Variants in EYS observed in about 807,000 individuals in gnomAD.
The protein encoded by EYS is EGF-like photoreceptor maintenance factor.
EYS carries 250 observed loss-of-function variants against 282.1 expected under a neutral mutation model. The observed-to-expected ratio is 0.89, with a 90% CI of 0.80 to 0.98. EYS has a LOEUF of 0.98. EYS is among the 50% of genes least tolerant of loss of function. EYS has a pLI of 0.00. For synonymous variants in EYS, 1,355 were observed against 1,282.9 expected (o/e 1.06, Z -1.20); for missense variants, 4,016 against 3,709.0 (o/e 1.08, Z -2.15).
intron 13 of EYS, among the ~76,000 whole-genome samples, chr6:65,028,103 T>C (rs1335168923): frequency 1.3e-5 from 2 of 152,126 alleles, no homozygotes; most frequent in Non-Finnish European, 2.9e-5. Flanking sequence ...TTCATTTTTA[T>C]CTTACTAAGA....
At chr6:64,434,226 C>T (rs1328665992) in intron 28 of EYS, among the ~76,000 whole-genome samples, 1 of 149,376 alleles carries the variant, frequency 6.7e-6, no homozygotes, top group East Asian at 1.9e-4. Context: ...AGAAATCAAA[C>T]CTGTTGTCAT....
chr6:65,325,649 A>G (rs900754710), intron 11 of EYS, among the ~76,000 whole-genome samples: 5 of 151,970 alleles, frequency 3.3e-5, no homozygotes, highest in African/African-American at 1.2e-4. Flanking sequence ...TGAGGAGGAG[A>G]AGGGGTCTAA....
At chr6:65,590,901 A>G (rs1405827019) in intron 2 of EYS, among the ~76,000 whole-genome samples, 1 of 151,510 alleles carries the variant, frequency 6.6e-6, no homozygotes, top group Non-Finnish European at 1.5e-5. Flanking sequence ...CTTAGATTCC[A>G]TAACTTGGCT....
chr6:63,726,493 GCAAA>G (rs1014108793), intron 42 of EYS, 22 bp downstream of exon 42: 8 of 1,537,656 alleles, frequency 5.2e-6, no homozygotes, highest in Middle Eastern at 1.7e-4. Flanking sequence ...AATTCATTCT[GCAAA>G]CAAACAGCCT....
intron 7 of EYS, among the ~76,000 whole-genome samples, chr6:65,401,977 A>G (rs1011062348): frequency 6.6e-6 from 1 of 151,970 alleles, no homozygotes; most frequent in Admixed American, 6.6e-5. Flanking sequence ...CACTTCTGCC[A>G]TTTATAAATG....
intron 31 of EYS, among the ~76,000 whole-genome samples, chr6:64,218,912 A>C (rs1476946539): frequency 6.6e-6 from 1 of 152,180 alleles, no homozygotes; most frequent in Non-Finnish European, 1.5e-5. Flanking sequence ...ATCTAGAAAT[A>C]ACCTTGTCTA....
At chr6:64,483,441 G>A (rs982132692) in intron 26 of EYS, among the ~76,000 whole-genome samples, 1 of 151,662 alleles carries the variant, frequency 6.6e-6, no homozygotes, top group African/African-American at 2.4e-5. Context: ...TCATGTGAAA[G>A]GAGTTCTTTT....
intron 13 of EYS, among the ~76,000 whole-genome samples, chr6:65,020,733 G>C (rs995338986): frequency 1.3e-5 from 2 of 152,178 alleles, no homozygotes; most frequent in Non-Finnish European, 2.9e-5. Context: ...GATGTTCTCT[G>C]TGAGGGCTCC....
intron 31 of EYS, among the ~76,000 whole-genome samples, chr6:64,108,926 A>G (rs1223279387): frequency 6.6e-6 from 1 of 152,094 alleles, no homozygotes; most frequent in Admixed American, 6.6e-5. Context: ...ATACAACTCT[A>G]TGGTTACCCC....
intron 2 of EYS, among the ~76,000 whole-genome samples, chr6:65,586,321 C>T (rs1342250383): frequency 3.9e-5 from 6 of 151,900 alleles, no homozygotes; most frequent in Non-Finnish European, 2.9e-5. Context: ...ATCTCTTGGT[C>T]AAGTAATTTA....
chr6:65,162,094 A>C lies in EYS; in HGVS notation c.2024-104367T>G, dbSNP rs531736405. Among the ~76,000 whole-genome samples, 8 of 151,390 alleles carry C rather than the reference A, an allele frequency of 5.3e-5. No individual in the cohort carries two copies. In the South Asian group the frequency reaches 1.5e-3, roughly 27 times the overall value. ...TTACAGAAAAAAGTAGTGTGTTTTA[A>C]TGGAAAGAGCATGGACTTTGGAGTC... On this transcript the variant is annotated intron_variant, in intron 12 of 42. Transcript: ENST00000503581.
chr6:63,799,770 A>G (rs1395535095), intron 37 of EYS, among the ~76,000 whole-genome samples: 1 of 152,246 alleles, frequency 6.6e-6, no homozygotes, highest in African/African-American at 2.4e-5. Flanking sequence ...ACCAAATTAT[A>G]GGATAAAACC....
At chr6:64,364,392 A>T (rs1005691725) in intron 29 of EYS, among the ~76,000 whole-genome samples, 1 of 151,902 alleles carries the variant, frequency 6.6e-6, no homozygotes, top group African/African-American at 2.4e-5. Flanking sequence ...AATTATTTAA[A>T]CCCCAAATTC....
At chr6:64,739,555 T>G (rs1045739360) in intron 22 of EYS, among the ~76,000 whole-genome samples, 1 of 152,214 alleles carries the variant, frequency 6.6e-6, no homozygotes, top group African/African-American at 2.4e-5. Flanking sequence ...ACAGATTGCA[T>G]GTGTACTAAA....
At chr6:64,885,982 A>C (rs1287104563) in intron 19 of EYS, among the ~76,000 whole-genome samples, 1 of 151,886 alleles carries the variant, frequency 6.6e-6, no homozygotes, top group Non-Finnish European at 1.5e-5. Flanking sequence ...TCAGATGTTA[A>C]TAAACTGAGA....
At position 64,456,606 on chromosome 6, in the gene EYS, A is replaced by G. The variant is rs1775565915; in HGVS notation, c.5645-17254T>C. Among the ~76,000 whole-genome samples the G allele has an allele frequency of 2.0e-5, 3 of 152,100 alleles. No homozygotes were observed. The South Asian group carries it at 6.2e-4, about 31-fold the overall frequency. On this transcript the variant is annotated intron_variant, in intron 26 of 42. Coordinates refer to ENST00000503581, the MANE Select transcript of EYS (RefSeq NM_001142800.2). ...ATTTGCTCCAGATTGTATTTAGGGAAGAAAACATTTTCTTGTAATGAAATA... is the reference window on the plus strand; with the variant it reads ...ATTTGCTCCAGATTGTATTTAGGGAGGAAAACATTTTCTTGTAATGAAATA...
In EYS at chr6:65,130,484, G is replaced by T. The variant is rs140369201; in HGVS notation, c.2024-72757C>A. 4.1e-3 allele frequency among the ~76,000 whole-genome samples: 621 copies of T among 151,908 alleles called. 2 individuals are homozygous for T. The highest frequency in any genetic ancestry group is 0.013 in the African/African-American group (544 of 41,490). ...GGGAATACGATGCAGTCATAGAAAA[G>T]ATCATGTCCTTTGTAGGGACTTGGA... On this transcript the variant is annotated intron_variant, in intron 12 of 42. Coordinates refer to ENST00000503581, the MANE Select transcript of EYS (RefSeq NM_001142800.2).
chr6:64,057,521 A>G (rs1227809972), intron 33 of EYS, among the ~76,000 whole-genome samples: 4 of 152,152 alleles, frequency 2.6e-5, no homozygotes, highest in Non-Finnish European at 5.9e-5. Context: ...CATTTCCAAA[A>G]CAATAGCTTT....
In EYS at chr6:64,302,838, T is replaced by C. The variant is rs534088424; in HGVS notation, c.6191+4132A>G. On this transcript the variant is annotated intron_variant, in intron 30 of 42. Transcript: ENST00000503581. Reference sequence around the variant, plus strand: ...TAAAACCTGCACTTTTATGGAAAGATGTAAACAATAATGAATGGTGTGGTA... The same window carrying C: ...TAAAACCTGCACTTTTATGGAAAGACGTAAACAATAATGAATGGTGTGGTA... Among the ~76,000 whole-genome samples, 4 of 152,284 alleles carry C rather than the reference T, an allele frequency of 2.6e-5. No homozygotes were observed. The East Asian group carries it at 7.7e-4, about 29-fold the overall frequency.
Sources: gnomAD v4.1 joint callset for allele counts (sites outside exome capture counted in the v4.1 genomes callset) on GRCh38, gnomAD v4.1.1 for gene constraint, MANE v1.5 for transcripts, NCBI Gene and HGNC (gene_info 2026-07-23, HGNC 2026-07-21) for gene names.